Variants in NEBL observed in about 807,000 individuals in gnomAD.
NEBL encodes the protein nebulette.
In NEBL, 122 loss-of-function variants were observed where a neutral mutation model predicts 140.2. The observed-to-expected ratio is 0.87, with a 90% CI of 0.75 to 1.01. The LOEUF is 1.01. NEBL is among the 50% of genes least tolerant of loss of function. The pLI, the probability that NEBL is intolerant of heterozygous loss-of-function variation, is 0.00. For missense variants in NEBL, 1,365 were observed against 1,231.3 expected (o/e 1.11, Z -1.62); for synonymous variants, 436 against 398.9 (o/e 1.09, Z -1.11).
intron 2 of NEBL, among the ~76,000 whole-genome samples, chr10:21,089,549 GAGA>G (rs1186056831): frequency 2.6e-5 from 4 of 152,080 alleles, no homozygotes; most frequent in Non-Finnish European, 5.9e-5. Flanking sequence ...CAGAGAGACC[GAGA>G]AGGAGGAGAC....
chr10:21,028,948 T>C, intron 2 of NEBL: 1 of 537,184 alleles, frequency 1.9e-6, no homozygotes. Flanking sequence ...GCTATACTAA[T>C]ATGAGACAAA....
At chr10:21,078,130 G>A (rs1351186792) in intron 2 of NEBL, among the ~76,000 whole-genome samples, 2 of 152,102 alleles carry the variant, frequency 1.3e-5, no homozygotes, top group African/African-American at 4.8e-5. Context: ...TAAAAATAAT[G>A]GGGAAAGCAA....
At chr10:21,169,063 AAAAAATATATATATATATATATATATAT>A (rs1412282017) in intron 2 of NEBL, among the ~76,000 whole-genome samples, 5 of 35,310 alleles carry the variant, frequency 1.4e-4, no homozygotes, top group Admixed American at 1.1e-3. Context: ...AAAAAAAAAA[AAAAAATATATATATATATATATATATAT>A]ATATATATAT....
In NEBL at chr10:20,828,536, A is replaced by C. The variant is rs2130887429; in HGVS notation, c.1770T>G (p.Ile590Met). 1.3e-6 allele frequency: 2 copies of C among 1,575,456 alleles called. No homozygotes were observed. ...AGAAGTAATGGCTACTCACCGCACT[A>C]ATGTTTTGTTGAGTTGTCTTAATTC... ...IQRIKTTQQN[I>M]SAVFYKKEVG... The change falls in exon 17 of 28, where the codon ATT becomes ATG. Residue 590 changes from isoleucine (I) to methionine (M), a missense_variant. By Grantham distance (10) the Ile-to-Met change is conservative. Around this residue, in one of 2 missense-constraint regions of NEBL, gnomAD observed 1,323 missense variants for 1,154.8 expected, o/e 1.15. Coordinates refer to ENST00000377122, the MANE Select transcript of NEBL (RefSeq NM_006393.3).
At chr10:20,819,918 T>C (rs1029210953) in intron 19 of NEBL, among the ~76,000 whole-genome samples, 4 of 152,124 alleles carry the variant, frequency 2.6e-5, no homozygotes, top group African/African-American at 9.7e-5. Flanking sequence ...TCACACTTTT[T>C]GTTGTTTTCC....
intron 4 of NEBL, among the ~76,000 whole-genome samples, chr10:20,885,581 T>C (rs1846443106): frequency 1.3e-5 from 2 of 152,244 alleles, no homozygotes; most frequent in South Asian, 2.1e-4. Context: ...AAGTTCTATG[T>C]TGCAGGGATT....
intron 1 of NEBL, among the ~76,000 whole-genome samples, chr10:21,280,313 C>T (rs1335947898): frequency 1.3e-5 from 2 of 151,994 alleles, no homozygotes; most frequent in African/African-American, 4.8e-5. Context: ...ACATACCCAA[C>T]CAAAAAAAAT....
At chr10:21,280,988 G>A (rs1365963688) in intron 1 of NEBL, among the ~76,000 whole-genome samples, 1 of 152,122 alleles carries the variant, frequency 6.6e-6, no homozygotes, top group East Asian at 1.9e-4. Context: ...TGTATAGGAT[G>A]GTAGAGAAAT....
intron 3 of NEBL, among the ~76,000 whole-genome samples, chr10:20,976,924 A>T (rs1175426831): frequency 1.2e-3 from 160 of 138,234 alleles, no homozygotes; most frequent in African/African-American, 4.0e-3. Context: ...ATCTACATTA[A>T]AAAAAAAAAA....
intron 1 of NEBL, among the ~76,000 whole-genome samples, chr10:21,284,210 C>CAAAAAAAAAAA (rs35693200): frequency 2.7e-5 from 1 of 37,188 alleles, no homozygotes; most frequent in Non-Finnish European, 4.5e-5. Flanking sequence ...ACTCCGTCTC[C>CAAAAAAAAAAA]AAAAAAAAAA....
upstream of NEBL, among the ~76,000 whole-genome samples, chr10:20,898,856 A>C (rs1847708531): frequency 6.6e-6 from 1 of 152,166 alleles, no homozygotes. Context: ...TCCTCTGTGA[A>C]ATATGACCGA....
At chr10:21,138,562 G>A (rs1211368768) in intron 2 of NEBL, among the ~76,000 whole-genome samples, 1 of 152,158 alleles carries the variant, frequency 6.6e-6, no homozygotes, top group Non-Finnish European at 1.5e-5. Context: ...AGCAATGGAT[G>A]AGGACAGAAA....
At chr10:21,028,235 C>CAAAAAAAAAAAAAAA (rs1168946872) in intron 2 of NEBL, among the ~76,000 whole-genome samples, 5 of 66,242 alleles carry the variant, frequency 7.5e-5, no homozygotes, top group Admixed American at 2.0e-4. Context: ...TCAAACATCT[C>CAAAAAAAAAAAAAAA]AAAAAAAAAA....
At chr10:21,033,343 T>C (rs1004902923) in intron 2 of NEBL, among the ~76,000 whole-genome samples, 1 of 152,260 alleles carries the variant, frequency 6.6e-6, no homozygotes, top group Non-Finnish European at 1.5e-5. Context: ...GTATCATACC[T>C]ATAGCAAATG....
At chr10:20,997,878 C>G (rs1299326061) in intron 3 of NEBL, among the ~76,000 whole-genome samples, 1 of 152,114 alleles carries the variant, frequency 6.6e-6, no homozygotes, top group Non-Finnish European at 1.5e-5. Context: ...GCCAACAAAA[C>G]AGAGTGCTGC....
intron 2 of NEBL, among the ~76,000 whole-genome samples, chr10:21,161,629 CT>C (rs904746542): frequency 2.6e-5 from 4 of 152,166 alleles, no homozygotes; most frequent in South Asian, 2.1e-4. Context: ...CCCCCACCCC[CT>C]GTTCCTGTTC....
At chr10:20,831,784 A>G (rs1178166311) in intron 14 of NEBL, among the ~76,000 whole-genome samples, 1 of 152,092 alleles carries the variant, frequency 6.6e-6, no homozygotes, top group Non-Finnish European at 1.5e-5. Flanking sequence ...AATCAGAACA[A>G]TTTTTTTCAG....
chr10:21,068,120 C>G (rs1314640175), intron 2 of NEBL, among the ~76,000 whole-genome samples: 1 of 152,150 alleles, frequency 6.6e-6, no homozygotes, highest in Non-Finnish European at 1.5e-5. Context: ...GCTAGGAGGT[C>G]AGCTCCATGA....
intron 3 of NEBL, among the ~76,000 whole-genome samples, chr10:21,241,033 CT>C (rs1842432302): frequency 6.6e-6 from 1 of 151,778 alleles, no homozygotes; most frequent in African/African-American, 2.4e-5. Context: ...ATCATATTTC[CT>C]GTTTCTTCTG....
Sources: gnomAD v4.1 joint callset for allele counts (sites outside exome capture counted in the v4.1 genomes callset) on GRCh38, gnomAD v4.1.1 for gene constraint, gnomAD v4.1.1 regional missense constraint, MANE v1.5 for transcripts, NCBI Gene and HGNC (gene_info 2026-07-23, HGNC 2026-07-21) for gene names.